Variants in ATP11A observed in about 807,000 individuals in gnomAD.
ATP11A encodes phospholipid-transporting ATPase IH.
Under a neutral mutation model 154.4 loss-of-function variants are expected in ATP11A, and 81 were observed. The observed-to-expected ratio is 0.52, with a 90% CI of 0.44 to 0.63. The LOEUF is 0.63. ATP11A is among the 30% of genes least tolerant of loss of function. The pLI, the probability that ATP11A is intolerant of heterozygous loss-of-function variation, is 0.00. For synonymous variants in ATP11A, 623 were observed against 585.9 expected (o/e 1.06, Z -0.91); for missense variants, 1,316 against 1,474.3 (o/e 0.89, Z 1.76).
chr13:112,719,635 T>C (rs1888921817), intron 1 of ATP11A, among the ~76,000 whole-genome samples: 1 of 119,238 alleles, frequency 8.4e-6, no homozygotes, highest in Non-Finnish European at 1.8e-5. Flanking sequence ...AATAAGAAGC[T>C]GATGGTGAAC....
At chr13:112,756,052 C>G (rs1167168929) in intron 1 of ATP11A, among the ~76,000 whole-genome samples, 1 of 152,246 alleles carries the variant, frequency 6.6e-6, no homozygotes, top group African/African-American at 2.4e-5. Context: ...GGAAGCGTCA[C>G]TCAGAGCAGA....
chr13:112,783,181 AG>A (rs2077541112), intron 1 of ATP11A, among the ~76,000 whole-genome samples: 1 of 152,210 alleles, frequency 6.6e-6, no homozygotes, highest in Non-Finnish European at 1.5e-5. Flanking sequence ...AGAGGTTGGT[AG>A]GGGAGCAGAG....
In ATP11A at chr13:112,807,938, C is replaced by A. The variant is rs1212190623; in HGVS notation, c.333+1645C>A. Among the ~76,000 whole-genome samples the A allele has an allele frequency of 6.6e-6, 1 of 152,116 alleles. No homozygotes were observed. The highest frequency in any genetic ancestry group is 1.5e-5 in the Non-Finnish European group (1 of 68,022). ...CAGGCGTAGCACTGTTCTTCAGCGT[C>A]CTCTTCTCTGCATTTGTTAAGGATT... On this transcript the variant is annotated intron_variant, in intron 4 of 29. Coordinates refer to ENST00000375645, the MANE Select transcript of ATP11A (RefSeq NM_015205.3). The surrounding 1 kb of genome is among the most constrained non-coding windows in gnomAD (Gnocchi z 4.5).
At chr13:112,851,331 G>T (rs560069974) in intron 18 of ATP11A, 113 bp downstream of exon 18, 2 of 1,038,564 alleles carry the variant, frequency 1.9e-6, no homozygotes, top group African/African-American at 1.6e-5. Context: ...AGCCGACGGG[G>T]CGTGTTTGCT....
chr13:112,790,086 A>G (rs566746554), intron 2 of ATP11A, among the ~76,000 whole-genome samples: 17 of 140,150 alleles, frequency 1.2e-4, no homozygotes, highest in African/African-American at 4.5e-4. Context: ...GTAGACTCCT[A>G]TGTAGACCTA....
intron 1 of ATP11A, among the ~76,000 whole-genome samples, chr13:112,691,484 GTGTGTGT>G (rs1360794002): frequency 6.7e-3 from 235 of 34,854 alleles, no homozygotes; most frequent in African/African-American, 0.023. Context: ...AAAAAAAAGG[GTGTGTGT>G]GTGTGTGTGT....
At chr13:112,710,668 T>C (rs1271317870) in intron 1 of ATP11A, among the ~76,000 whole-genome samples, 2 of 152,142 alleles carry the variant, frequency 1.3e-5, no homozygotes, top group African/African-American at 2.4e-5. Context: ...GTTGTAACAC[T>C]CCCGGCAGAG....
Position 112,696,437 on chromosome 13 carries a change from C to T in ATP11A, c.39+5982C>T, listed in dbSNP as rs75001101. Among the ~76,000 whole-genome samples, 3 of 152,194 alleles carry T rather than the reference C, an allele frequency of 2.0e-5. No homozygotes were observed. The highest frequency in any genetic ancestry group is 7.2e-5 in the African/African-American group (3 of 41,534). On this transcript the variant is annotated intron_variant, in intron 1 of 29. Coordinates refer to ENST00000375645, the MANE Select transcript of ATP11A (RefSeq NM_015205.3). This position sits in a 1 kb window ranked among gnomAD's most constrained non-coding sequence, Gnocchi z 6.2. ...TTTCTGCCTCTGCGCTTGCCTCCTC[C>T]GGTTGGAGCGAGTGACCCGTTCTGC...
chr13:112,799,061 A>G (rs867292997), intron 2 of ATP11A, among the ~76,000 whole-genome samples: 2 of 152,264 alleles, frequency 1.3e-5, no homozygotes, highest in East Asian at 3.8e-4. Flanking sequence ...TACCAGGGAT[A>G]AAGAGGGGCA....
At chr13:112,830,270 T>C (rs542132329) in intron 12 of ATP11A, among the ~76,000 whole-genome samples, 2 of 152,242 alleles carry the variant, frequency 1.3e-5, no homozygotes, top group African/African-American at 2.4e-5. Context: ...TTATCCATTT[T>C]ACCCTTTTAA....
intron 2 of ATP11A, among the ~76,000 whole-genome samples, chr13:112,795,998 G>A (rs1007938604): frequency 2.6e-5 from 4 of 152,192 alleles, no homozygotes; most frequent in African/African-American, 7.2e-5. Context: ...CCAGAATTTC[G>A]ATAGAGTACC....
intron 12 of ATP11A, among the ~76,000 whole-genome samples, chr13:112,829,160 G>A (rs977714227): frequency 2.6e-5 from 4 of 152,166 alleles, no homozygotes; most frequent in African/African-American, 4.8e-5. Flanking sequence ...CACAAATCTT[G>A]CTTCAGGCCA....
chr13:112,841,898 C>T (rs954746242), intron 16 of ATP11A, among the ~76,000 whole-genome samples: 3 of 152,230 alleles, frequency 2.0e-5, no homozygotes, highest in African/African-American at 4.8e-5. Flanking sequence ...GATGACTCTC[C>T]GAAGGGGATT....
chr13:112,738,201 C>T (rs933118535), intron 1 of ATP11A, among the ~76,000 whole-genome samples: 1 of 151,970 alleles, frequency 6.6e-6, no homozygotes, highest in Non-Finnish European at 1.5e-5. Flanking sequence ...GGTGAAACCC[C>T]GTCTCTACTA....
chr13:112,765,242 G>A (rs2077048097), intron 1 of ATP11A, among the ~76,000 whole-genome samples: 1 of 151,926 alleles, frequency 6.6e-6, no homozygotes, highest in Admixed American at 6.6e-5. Context: ...GAGCAGCAGG[G>A]GTGGCCCGGG....
At chr13:112,769,395 G>A (rs1009867100) in intron 1 of ATP11A, among the ~76,000 whole-genome samples, 17 of 152,238 alleles carry the variant, frequency 1.1e-4, no homozygotes, top group Middle Eastern at 3.2e-3. Context: ...CTCTCTGCCC[G>A]CTGCGTTTGG....
chr13:112,817,180 G>A (rs1272891954), intron 6 of ATP11A, among the ~76,000 whole-genome samples: 3 of 152,208 alleles, frequency 2.0e-5, no homozygotes, highest in Non-Finnish European at 4.4e-5. Flanking sequence ...ATGAAAGTGA[G>A]CATAGCTCAG....
At chr13:112,712,279 C>T (rs1042820129) in intron 1 of ATP11A, among the ~76,000 whole-genome samples, 1 of 152,148 alleles carries the variant, frequency 6.6e-6, no homozygotes, top group African/African-American at 2.4e-5. Context: ...TAATTATGCA[C>T]CCAGCCCCGC....
At chr13:112,763,997 C>G (rs745563117) in intron 1 of ATP11A, among the ~76,000 whole-genome samples, 8 of 152,222 alleles carry the variant, frequency 5.3e-5, no homozygotes, top group Non-Finnish European at 1.0e-4. Context: ...AAATAAACCC[C>G]TAAATTGATT....
Sources: gnomAD v4.1 joint callset for allele counts (sites outside exome capture counted in the v4.1 genomes callset) on GRCh38, gnomAD v4.1.1 for gene constraint, Gnocchi (gnomAD v3.1) non-coding constraint, MANE v1.5 for transcripts, NCBI Gene and HGNC (gene_info 2026-07-23, HGNC 2026-07-21) for gene names.